Variants in FKBP9 observed in about 807,000 individuals in gnomAD.
FKBP9 encodes FKBP prolyl isomerase 9, also known as peptidyl-prolyl cis-trans isomerase FKBP9.
In FKBP9, 27 loss-of-function variants were observed where a neutral mutation model predicts 55.6. The ratio of observed to expected loss-of-function variants is 0.49; its 90% CI spans 0.36 to 0.67. The LOEUF is 0.67. FKBP9 is among the 30% of genes least tolerant of loss of function. The pLI, the probability that FKBP9 is intolerant of heterozygous loss-of-function variation, is 0.00. For synonymous variants in FKBP9, 267 were observed against 296.5 expected (o/e 0.90, Z 1.02); for missense variants, 539 against 742.8 (o/e 0.73, Z 3.19).
intron 1 of FKBP9, among the ~76,000 whole-genome samples, chr7:32,972,111 A>C (rs1784264427): frequency 6.6e-6 from 1 of 152,132 alleles, no homozygotes; most frequent in South Asian, 2.1e-4. Context: ...TTATTATAAT[A>C]AATCTGCCAG....
intron 5 of FKBP9, among the ~76,000 whole-genome samples, chr7:32,981,611 T>C (rs543431636): frequency 6.6e-6 from 1 of 152,324 alleles, no homozygotes; most frequent in Non-Finnish European, 1.5e-5. Flanking sequence ...AATTTGTATA[T>C]GGCATTATTT....
rs2127990175 is a variant in FKBP9, at chr7:33,005,726, T to C, written c.*375T>C. On this transcript the variant is annotated 3_prime_UTR_variant, in exon 10 of 10. Transcript: ENST00000242209. ...TAAGAAAAGGTGTCCAGGGTATCTA[T>C]ATAAAGAGGGTTAAATTTTTTTTTA... 4.2e-6 allele frequency: 1 copy of C among 240,534 alleles called. No individual in the cohort carries two copies. Among genetic ancestry groups the C allele is most frequent in the Non-Finnish European group, 8.1e-6 (1 of 122,956 alleles). 14.9% of individuals were successfully genotyped at this position (240,534 alleles called of 1,614,324 possible).
chr7:32,992,186 A>G (rs2127986859), intron 6 of FKBP9, among the ~76,000 whole-genome samples: 1 of 152,258 alleles, frequency 6.6e-6, no homozygotes, highest in Admixed American at 6.5e-5. Flanking sequence ...GAGCTCTCAG[A>G]GGAAACACAC....
intron 1 of FKBP9, 44 bp from the exon 2 acceptor site, chr7:32,974,573 T>C (rs1438457130): frequency 6.4e-7 from 1 of 1,567,444 alleles, no homozygotes; most frequent in Non-Finnish European, 8.8e-7. Flanking sequence ...AGGAAGGGAC[T>C]ATTTATACTT....
intron 8 of FKBP9, among the ~76,000 whole-genome samples, chr7:33,000,830 GA>G: frequency 6.6e-6 from 1 of 151,976 alleles, no homozygotes; most frequent in African/African-American, 2.4e-5. Flanking sequence ...ACCCAGGCTG[GA>G]GTGCAGTGGC....
At chr7:33,004,855 AGTCTTGGGTG>A (rs1269729169) in intron 9 of FKBP9, among the ~76,000 whole-genome samples, 7 of 151,580 alleles carry the variant, frequency 4.6e-5, no homozygotes, top group African/African-American at 1.5e-4. Context: ...ATGTTCTTAC[AGTCTTGGGTG>A]GTCTTGGGGG....
intron 5 of FKBP9, among the ~76,000 whole-genome samples, chr7:32,981,643 T>C (rs1193413917): frequency 6.6e-6 from 1 of 152,206 alleles, no homozygotes; most frequent in Admixed American, 6.5e-5. Context: ...TTCATTCTTG[T>C]TCCTAGGATC....
At chr7:32,962,916 A>G (rs1784053278) in intron 1 of FKBP9, among the ~76,000 whole-genome samples, 1 of 151,762 alleles carries the variant, frequency 6.6e-6, no homozygotes, top group Non-Finnish European at 1.5e-5. Context: ...CAGAAAGGTG[A>G]GAGGACAGTG....
intron 6 of FKBP9, among the ~76,000 whole-genome samples, chr7:32,993,633 T>C (rs1298038649): frequency 6.6e-6 from 1 of 152,180 alleles, no homozygotes; most frequent in Non-Finnish European, 1.5e-5. Flanking sequence ...AAGATCAGCC[T>C]GGCCAACATG....
intron 5 of FKBP9, among the ~76,000 whole-genome samples, chr7:32,981,627 G>C (rs1784477340): frequency 6.6e-6 from 1 of 152,092 alleles, no homozygotes; most frequent in Non-Finnish European, 1.5e-5. Context: ...TATTTCATTT[G>C]AATAATTCAT....
At chr7:32,974,199 C>CA (rs1554285157) in intron 1 of FKBP9, among the ~76,000 whole-genome samples, 3 of 147,728 alleles carry the variant, frequency 2.0e-5, no homozygotes, top group Admixed American at 6.7e-5. Context: ...TTAGTAGAGG[C>CA]GGGGGGGCCT....
In FKBP9 at chr7:33,006,696, G is replaced by C. The variant is rs1045191114; in HGVS notation, c.*1345G>C. On this transcript the variant is annotated 3_prime_UTR_variant, in exon 10 of 10. Transcript: ENST00000242209. The stretch of plus-strand genomic sequence containing the variant: ...GCAATGACAGTCCACCTGCCGACCT[G>C]ATTCCTGCATCATGGAATAACCACA... The C allele has an allele frequency of 3.2e-5, 7 of 216,178 alleles. No homozygotes were observed. Among genetic ancestry groups the C allele is most frequent in the Non-Finnish European group, 4.7e-5 (5 of 107,178 alleles). 13.4% of individuals were successfully genotyped at this position (216,178 alleles called of 1,614,324 possible).
chr7:32,957,839 C>G (rs1168969037), intron 1 of FKBP9, 45 bp downstream of exon 1: 1 of 1,354,178 alleles, frequency 7.4e-7, no homozygotes, highest in Non-Finnish European at 9.6e-7. Context: ...GGATGCGCGT[C>G]CCTCTCTCCG....
Position 32,991,400 on chromosome 7 carries a change from C to G in FKBP9, c.1039+2748C>G, listed in dbSNP as rs1437540685. 3.3e-5 allele frequency among the ~76,000 whole-genome samples: 5 copies of G among 152,268 alleles called. No homozygotes were observed. In the East Asian group the frequency reaches 9.7e-4, roughly 29 times the overall value. On this transcript the variant is annotated intron_variant, in intron 6 of 9. Transcript: ENST00000242209. ...CTTGAGTGGAGTCTGCCTCTGTCCT[C>G]TCCTGATCAGCACCCTTGGCCTCTT...
At chr7:32,979,740 A>G (rs1329853891) in intron 4 of FKBP9, among the ~76,000 whole-genome samples, 2 of 152,260 alleles carry the variant, frequency 1.3e-5, no homozygotes, top group Non-Finnish European at 2.9e-5. Flanking sequence ...AAATATTCCC[A>G]CTGGCAGGAA....
chr7:33,003,809 C>T lies in FKBP9; in HGVS notation c.1536+970C>T, dbSNP rs1481191769. On this transcript the variant is annotated intron_variant, in intron 9 of 9. Coordinates refer to ENST00000242209, the MANE Select transcript of FKBP9 (RefSeq NM_007270.5). ...GGAGTACCCCGGGCTAAGTCTTGACCTTTGTTCTTTTCTCTGTCTTTAAGT... is the reference window on the plus strand; with the variant it reads ...GGAGTACCCCGGGCTAAGTCTTGACTTTTGTTCTTTTCTCTGTCTTTAAGT... Among the ~76,000 whole-genome samples, 4 of 152,190 alleles carry T rather than the reference C, an allele frequency of 2.6e-5. No homozygotes were observed. In the East Asian group the frequency reaches 7.7e-4, roughly 29 times the overall value.
At chr7:32,970,179 T>C (rs1393051040) in intron 1 of FKBP9, among the ~76,000 whole-genome samples, 1 of 152,126 alleles carries the variant, frequency 6.6e-6, no homozygotes, top group East Asian at 1.9e-4. Flanking sequence ...TTTCCATTTA[T>C]TCGTGTCCTC....
chr7:32,959,886 T>C (rs10266139), intron 1 of FKBP9, among the ~76,000 whole-genome samples: 29,675 of 152,174 alleles, frequency 0.2, 3,475 homozygotes, highest in Admixed American at 0.35. Flanking sequence ...TCATGAATGA[T>C]GTTATGAACA....
chr7:32,983,553 C>T (rs139322358), intron 5 of FKBP9, among the ~76,000 whole-genome samples: 2 of 149,166 alleles, frequency 1.3e-5, no homozygotes, highest in East Asian at 2.0e-4. Context: ...GACCTCAAGT[C>T]ATCTGCCCGC....
Sources: allele counts gnomAD v4.1 joint callset (sites outside exome capture counted in the v4.1 genomes callset), GRCh38; gene constraint gnomAD v4.1.1; transcripts MANE v1.5; gene names NCBI Gene and HGNC (gene_info 2026-07-23, HGNC 2026-07-21).